Variants in DPP10 observed in about 807,000 individuals in gnomAD.
DPP10 encodes the protein inactive dipeptidyl peptidase 10.
DPP10 carries 33 observed loss-of-function variants against 120.9 expected under a neutral mutation model. The ratio of observed to expected loss-of-function variants is 0.27; its 90% CI spans 0.21 to 0.37. The LOEUF is 0.37. DPP10 is among the 10% of genes least tolerant of loss of function. The probability of loss-of-function intolerance (pLI) is 1.00; values close to 1 mark genes in which losing one functional copy is unlikely to be tolerated. For missense variants in DPP10, 816 were observed against 942.8 expected (o/e 0.87, Z 1.76); for synonymous variants, 337 against 326.1 (o/e 1.03, Z -0.36).
chr2:115,576,355 C>T (rs1175755826), intron 5 of DPP10, among the ~76,000 whole-genome samples: 3 of 152,108 alleles, frequency 2.0e-5, no homozygotes, highest in African/African-American at 7.2e-5. Flanking sequence ...GATAAATTGG[C>T]AAATAAATTC....
intron 1 of DPP10, among the ~76,000 whole-genome samples, chr2:114,546,056 A>T (rs6741327): frequency 0.51 from 77,399 of 151,804 alleles, 20,195 homozygotes; most frequent in Middle Eastern, 0.65. Flanking sequence ...CCCCACCCAC[A>T]CTATACAGTT....
chr2:115,784,769 T>A (rs1683150056), intron 17 of DPP10, among the ~76,000 whole-genome samples: 1 of 152,124 alleles, frequency 6.6e-6, no homozygotes, highest in African/African-American at 2.4e-5. Context: ...CAACCTCAGG[T>A]GATCTGCCAG....
At chr2:114,837,379 G>A (rs1315023049) in intron 1 of DPP10, among the ~76,000 whole-genome samples, 1 of 152,058 alleles carries the variant, frequency 6.6e-6, no homozygotes, top group Non-Finnish European at 1.5e-5. Context: ...ATAATATTAG[G>A]GATTGTATGG....
At chr2:115,684,096 A>T (rs989802650) in intron 5 of DPP10, among the ~76,000 whole-genome samples, 6 of 151,946 alleles carry the variant, frequency 3.9e-5, no homozygotes, top group Non-Finnish European at 4.4e-5. Context: ...ATTAAGTAAG[A>T]AATATTTTGA....
chr2:114,741,549 T>G (rs1006056078), intron 1 of DPP10, among the ~76,000 whole-genome samples: 1 of 152,176 alleles, frequency 6.6e-6, no homozygotes, highest in African/African-American at 2.4e-5. Flanking sequence ...TATTATATGT[T>G]CAATTGTGTT....
At chr2:115,677,592 A>T (rs1194696836) in intron 5 of DPP10, among the ~76,000 whole-genome samples, 1 of 152,350 alleles carries the variant, frequency 6.6e-6, no homozygotes, top group South Asian at 2.1e-4. Flanking sequence ...GATATTTCAT[A>T]CAAATGGAAA....
chr2:114,562,896 T>C (rs527600269), intron 1 of DPP10, among the ~76,000 whole-genome samples: 1 of 152,356 alleles, frequency 6.6e-6, no homozygotes, highest in African/African-American at 2.4e-5. Context: ...GAATTTTCTT[T>C]ATTTTCCTGC....
At position 115,543,173 on chromosome 2, in the gene DPP10, G is replaced by T. The variant is rs2079277874; in HGVS notation, c.441+17201G>T. Among the ~76,000 whole-genome samples the T allele has an allele frequency of 2.0e-5, 3 of 152,108 alleles. No homozygotes were observed. In the Middle Eastern group the frequency reaches 0.01, roughly 517 times the overall value. On this transcript the variant is annotated intron_variant, in intron 5 of 25. Coordinates refer to ENST00000410059, the MANE Select transcript of DPP10 (RefSeq NM_020868.6). ...AATCAGAGGACATTGCATCACAGTT[G>T]GGGTCCTCAGCCCAGCAGAGAATAT...
chr2:115,081,081 T>G (rs187495846), intron 1 of DPP10, among the ~76,000 whole-genome samples: 4 of 152,350 alleles, frequency 2.6e-5, no homozygotes, highest in Admixed American at 6.5e-5. Flanking sequence ...CCCAGCAGTT[T>G]CAATGTAACA....
intron 1 of DPP10, among the ~76,000 whole-genome samples, chr2:114,996,383 T>C (rs183474356): frequency 6.6e-6 from 1 of 152,326 alleles, no homozygotes; most frequent in East Asian, 1.9e-4. Context: ...TATGTCTATT[T>C]AAAAGATGAT....
intron 5 of DPP10, chr2:115,579,923 A>G (rs1293398049): frequency 6.6e-6 from 1 of 152,180 alleles, no homozygotes; most frequent in Non-Finnish European, 1.5e-5. Flanking sequence ...CTCATCACCT[A>G]GGTATTAAGC....
rs151268236 is a variant in DPP10 at position 115,732,717 on chromosome 2, A to G, written c.697+4781A>G. 8.1e-3 allele frequency among the ~76,000 whole-genome samples: 1,233 copies of G among 152,240 alleles called. 10 individuals are homozygous for G. Among genetic ancestry groups the G allele is most frequent in the Admixed American group, 0.016 (241 of 15,294 alleles). Reference sequence around the variant, plus strand: ...AATCTATTAAATAGGAAAAAAAATGACTCACTTTCAAATATTTAAGCATAT... The same window carrying G: ...AATCTATTAAATAGGAAAAAAAATGGCTCACTTTCAAATATTTAAGCATAT... On this transcript the variant is annotated intron_variant, in intron 8 of 25. Transcript: ENST00000410059.
At chr2:114,583,356 A>T (rs905120118) in intron 1 of DPP10, among the ~76,000 whole-genome samples, 1 of 152,234 alleles carries the variant, frequency 6.6e-6, no homozygotes, top group African/African-American at 2.4e-5. Flanking sequence ...AACTAAGAAG[A>T]CAAAACACCA....
chr2:114,462,259 C>A, intron 1 of DPP10: 2 of 493,612 alleles, frequency 4.1e-6, no homozygotes, highest in Non-Finnish European at 5.2e-6. Context: ...TTTTACACTA[C>A]TATAGTACAT....
intron 1 of DPP10, among the ~76,000 whole-genome samples, chr2:114,702,079 G>A (rs1388278492): frequency 1.3e-5 from 2 of 152,102 alleles, no homozygotes; most frequent in Non-Finnish European, 2.9e-5. Flanking sequence ...TCACTGCAGT[G>A]TAATGTGATT....
chr2:114,474,695 AG>A (rs1680225723), intron 1 of DPP10, among the ~76,000 whole-genome samples: 2 of 152,216 alleles, frequency 1.3e-5, no homozygotes. Context: ...GAAAAACTAA[AG>A]GTAAGTACTG....
At chr2:115,491,216 C>G (rs981019553) in intron 3 of DPP10, among the ~76,000 whole-genome samples, 1 of 152,158 alleles carries the variant, frequency 6.6e-6, no homozygotes, top group African/African-American at 2.4e-5. Context: ...TTAACTCCAA[C>G]TACAGCAAAC....
At chr2:115,627,362 A>G (rs12999975) in intron 5 of DPP10, among the ~76,000 whole-genome samples, 62,956 of 151,846 alleles carry the variant, frequency 0.41, 16,033 homozygotes, top group Non-Finnish European at 0.58. Context: ...CAGCTAGGGG[A>G]GGAGAGCACC....
chr2:115,139,273 C>T (rs914883342), intron 1 of DPP10, among the ~76,000 whole-genome samples: 8 of 151,948 alleles, frequency 5.3e-5, no homozygotes, highest in South Asian at 2.1e-4. Context: ...TTTTAATCTC[C>T]TAAATGAAAA....
Sources: allele counts gnomAD v4.1 joint callset (sites outside exome capture counted in the v4.1 genomes callset), GRCh38; gene constraint gnomAD v4.1.1; transcripts MANE v1.5; gene names NCBI Gene and HGNC (gene_info 2026-07-23, HGNC 2026-07-21).